The following HIP1 variants were observed in gnomAD, a reference collection of about 807,000 sequenced individuals.
HIP1 encodes huntingtin-interacting protein 1.
A neutral mutation model predicts 147.6 loss-of-function variants in HIP1; 65 were observed. The observed-to-expected ratio is 0.44, with a 90% confidence interval of 0.36 to 0.54. The LOEUF (loss-of-function observed/expected upper bound fraction) is 0.54, where lower values mean the gene tolerates loss of function less well. Ranked by LOEUF, HIP1 falls within the 20% of genes least tolerant of loss-of-function variation. HIP1 has a pLI of 0.00. For missense variants in HIP1, 1,061 were observed against 1,299.6 expected (o/e 0.82, Z 2.82); for synonymous variants, 479 against 504.0 (o/e 0.95, Z 0.67).
intron 1 of HIP1, among the ~76,000 whole-genome samples, chr7:75,650,453 CTT>C (rs782108312): frequency 2.3e-4 from 29 of 126,482 alleles, no homozygotes; most frequent in Admixed American, 3.3e-4. Context: ...GCCCAGTTAT[CTT>C]TTTTTTTTTT....
At chr7:75,671,113 G>C (rs1195761422) in intron 1 of HIP1, among the ~76,000 whole-genome samples, 4 of 152,020 alleles carry the variant, frequency 2.6e-5, no homozygotes, top group Admixed American at 1.3e-4. Context: ...GTTATTTTTA[G>C]ATGGAGTTTC....
At chr7:75,632,260 C>T (rs1220242208) in intron 1 of HIP1, among the ~76,000 whole-genome samples, 1 of 152,104 alleles carries the variant, frequency 6.6e-6, no homozygotes, top group Non-Finnish European at 1.5e-5. Context: ...CATATCTTAA[C>T]GTCCTCACCC....
intron 1 of HIP1, among the ~76,000 whole-genome samples, chr7:75,722,179 G>A (rs1554521573): frequency 6.6e-6 from 1 of 152,134 alleles, no homozygotes; most frequent in African/African-American, 2.4e-5. Context: ...GCATGGTGGT[G>A]TGCATGTGTA....
chr7:75,690,480 G>A (rs1437845378), intron 1 of HIP1, among the ~76,000 whole-genome samples: 1 of 152,196 alleles, frequency 6.6e-6, no homozygotes, highest in Non-Finnish European at 1.5e-5. Flanking sequence ...GTGTTGGCAA[G>A]AATGTAAAGA....
intron 1 of HIP1, among the ~76,000 whole-genome samples, chr7:75,673,820 C>CCAAAAA (rs1799800903): frequency 9.6e-6 from 1 of 104,352 alleles, no homozygotes; most frequent in Non-Finnish European, 1.9e-5. Flanking sequence ...CCTATCTCTA[C>CCAAAAA]AAAAAAAAAA....
At chr7:75,635,577 C>CAAAA (rs144914669) in intron 1 of HIP1, among the ~76,000 whole-genome samples, 10 of 69,786 alleles carry the variant, frequency 1.4e-4, no homozygotes, top group African/African-American at 2.7e-4. Flanking sequence ...GACTCCATCT[C>CAAAA]AAAAAAAAAA....
At chr7:75,586,909 T>G in intron 4 of HIP1, 76 bp from the exon 5 acceptor site, 4 of 859,782 alleles carry the variant, frequency 4.7e-6, no homozygotes, top group Non-Finnish European at 3.9e-6. Context: ...AGGAATTCTC[T>G]GGTAAAGAAT....
At chr7:75,648,580 T>C (rs1554511443) in intron 1 of HIP1, among the ~76,000 whole-genome samples, 1 of 152,046 alleles carries the variant, frequency 6.6e-6, no homozygotes, top group Non-Finnish European at 1.5e-5. Context: ...GGCTGAGCCA[T>C]ATGCGGATGC....
Position 75,619,157 on chromosome 7 carries a change from A to G in HIP1, c.121-19910T>C, listed in dbSNP as rs144470062. On this transcript the variant is annotated intron_variant, in intron 1 of 30. Transcript: ENST00000336926. ...GACTCATTTGGGCTCGGAAGGGCCC[A>G]TGGCACTGTTAATTCAGGTGATGTT... 4.6e-3 allele frequency among the ~76,000 whole-genome samples: 703 copies of G among 152,302 alleles called. 4 individuals carry two copies. The highest frequency in any genetic ancestry group is 0.016 in the African/African-American group (677 of 41,554).
intron 1 of HIP1, among the ~76,000 whole-genome samples, chr7:75,738,218 C>T (rs1370256472): frequency 1.3e-5 from 2 of 152,052 alleles, no homozygotes; most frequent in Non-Finnish European, 2.9e-5. Flanking sequence ...TCCTACATTC[C>T]TTTTCCCTGC....
At chr7:75,677,460 G>T (rs1799931148) in intron 1 of HIP1, among the ~76,000 whole-genome samples, 1 of 151,090 alleles carries the variant, frequency 6.6e-6, no homozygotes, top group Admixed American at 6.6e-5. Flanking sequence ...ACAAAAATTA[G>T]CTGGGCGTGG....
At chr7:75,661,064 A>C (rs1487525383) in intron 1 of HIP1, among the ~76,000 whole-genome samples, 1 of 152,048 alleles carries the variant, frequency 6.6e-6, no homozygotes, top group Non-Finnish European at 1.5e-5. Context: ...GGATCACTTG[A>C]GCCCAGGAGT....
At position 75,581,327 on chromosome 7, in the gene HIP1, C is replaced by T. The variant is rs369229201; in HGVS notation, c.543-29G>A. The T allele has an allele frequency of 3.1e-5, 49 of 1,582,920 alleles. No individual in the cohort carries two copies. In the African/African-American group the frequency reaches 4.2e-4, roughly 13 times the overall value. Reference sequence around the variant, plus strand: ...GACCCAAGAGGAAAGAGAGCTTACACTCCACAGCCTGAGGCCGGTCTGTTA... The same window carrying T: ...GACCCAAGAGGAAAGAGAGCTTACATTCCACAGCCTGAGGCCGGTCTGTTA... On this transcript the variant is annotated intron_variant, in intron 6 of 30. Transcript: ENST00000336926.
chr7:75,732,670 T>A (rs1055200723), intron 1 of HIP1, among the ~76,000 whole-genome samples: 1 of 152,178 alleles, frequency 6.6e-6, no homozygotes, highest in African/African-American at 2.4e-5. Context: ...CATGAGCCAC[T>A]GCGCCCGGCT....
chr7:75,554,116 C>A lies in HIP1; in HGVS notation c.2155G>T (p.Asp719Tyr), dbSNP rs782195793. 1 of 1,612,666 alleles carries A rather than the reference C, an allele frequency of 6.2e-7. No homozygotes were observed. The highest frequency in any genetic ancestry group is 1.1e-5 in the South Asian group (1 of 90,994). Reference sequence around the variant, plus strand: ...CCCCTCATGCCCCGGTACTCACAGTCGGCAGGCTCAGGTGGGGCTCTGAGG... The same window carrying A: ...CCCCTCATGCCCCGGTACTCACAGTAGGCAGGCTCAGGTGGGGCTCTGAGG... The part of the protein sequence containing the change: ...TCLRAPPEPA[D>Y]SLTEACKQYG... Residue 719 changes from aspartate (D) to tyrosine (Y), a missense_variant, in exon 21 of 31, where the codon GAC becomes TAC. Transcript: ENST00000336926.
At chr7:75,714,304 G>A (rs1801250467) in intron 1 of HIP1, among the ~76,000 whole-genome samples, 1 of 152,034 alleles carries the variant, frequency 6.6e-6, no homozygotes, top group Non-Finnish European at 1.5e-5. Context: ...CTCCCAAAGT[G>A]CTGGGATGAC....
chr7:75,583,909 T>C (rs1796155554), intron 5 of HIP1, among the ~76,000 whole-genome samples: 1 of 150,690 alleles, frequency 6.6e-6, no homozygotes, highest in Admixed American at 6.7e-5. Context: ...ATTACAGGTG[T>C]GAGCCACCAC....
intron 1 of HIP1, among the ~76,000 whole-genome samples, chr7:75,732,676 C>T (rs1370574865): frequency 6.6e-6 from 1 of 152,186 alleles, no homozygotes; most frequent in East Asian, 1.9e-4. Flanking sequence ...CCACTGCGCC[C>T]GGCTCACCCA....
chr7:75,570,887 A>G (rs1795603828), intron 8 of HIP1, among the ~76,000 whole-genome samples: 1 of 151,842 alleles, frequency 6.6e-6, no homozygotes, highest in Non-Finnish European at 1.5e-5. Context: ...GCGGGCACCT[A>G]TAATCTCAGC....
Sources: gnomAD v4.1 joint callset for allele counts (sites outside exome capture counted in the v4.1 genomes callset) on GRCh38, gnomAD v4.1.1 for gene constraint, MANE v1.5 for transcripts, NCBI Gene and HGNC (gene_info 2026-07-23, HGNC 2026-07-21) for gene names.